The following MTHFS variants were observed in gnomAD, a reference collection of about 807,000 sequenced individuals.
MTHFS encodes 5-formyltetrahydrofolate cyclo-ligase.
In MTHFS, 7 loss-of-function variants were observed where a neutral mutation model predicts 12.7. The ratio of observed to expected loss-of-function variants is 0.55; its 90% confidence interval spans 0.31 to 1.03. The LOEUF is 1.03. Among genes scored for constraint, MTHFS ranks in the 50% least tolerant of loss-of-function variants. The pLI is 0.05. For synonymous variants in MTHFS, 100 were observed against 97.1 expected (o/e 1.03, Z -0.18); for missense variants, 252 against 258.1 (o/e 0.98, Z 0.16).
chr15:79,892,447 C>T (rs373233567), intron 1 of MTHFS, among the ~76,000 whole-genome samples: 2 of 152,188 alleles, frequency 1.3e-5, no homozygotes, highest in East Asian at 3.9e-4. Flanking sequence ...ATCAGAAGCT[C>T]CTGGAAAAAT....
intron 2 of MTHFS, among the ~76,000 whole-genome samples, chr15:79,868,088 G>A (rs987279309): frequency 1.3e-5 from 2 of 152,174 alleles, no homozygotes; most frequent in East Asian, 3.8e-4. Context: ...CACAGTGCTA[G>A]GAGACAGTAA....
chr15:79,850,127 A>C (rs2033688455), intron 2 of MTHFS, among the ~76,000 whole-genome samples: 1 of 152,274 alleles, frequency 6.6e-6, no homozygotes, highest in South Asian at 2.1e-4. Flanking sequence ...AGATAATGCA[A>C]CATATCTGTT....
In MTHFS at chr15:79,845,323, T is replaced by C; in HGVS notation, c.499A>G (p.Lys167Glu). Residue 167 changes from lysine (K) to glutamate (E), a missense_variant, in exon 3 of 3, where the codon AAG (lysine) becomes GAG (glutamate). By Grantham distance (56) the Lys-to-Glu change is moderately conservative. Transcript: ENST00000258874. The part of the protein sequence containing the change: ...LKRCLQHQEV[K>E]PYTLALAFKE... The stretch of plus-strand genomic sequence containing the variant: ...AAAGCCAACGCCAGGGTGTAGGGCT[T>C]CACTTCCTGATGCTGCAAACAGCGC... 1 of 1,614,150 alleles carries C rather than the reference T, an allele frequency of 6.2e-7. No individual in the cohort carries two copies. Among genetic ancestry groups the C allele is most frequent in the Non-Finnish European group, 8.5e-7 (1 of 1,180,028 alleles).
At chr15:79,854,881 G>GTA (rs1475869946) in intron 2 of MTHFS, among the ~76,000 whole-genome samples, 3 of 152,120 alleles carry the variant, frequency 2.0e-5, no homozygotes, top group Non-Finnish European at 4.4e-5. Context: ...AACTACAATT[G>GTA]TATATGAAAG....
intron 2 of MTHFS, among the ~76,000 whole-genome samples, chr15:79,888,596 T>C (rs888884934): frequency 6.6e-6 from 1 of 152,164 alleles, no homozygotes; most frequent in Admixed American, 6.6e-5. Context: ...TCAGTAAATA[T>C]TCAGTAGGTA....
At chr15:79,887,224 CAAAAG>C (rs1450056246) in intron 2 of MTHFS, among the ~76,000 whole-genome samples, 1 of 150,282 alleles carries the variant, frequency 6.7e-6, no homozygotes, top group Non-Finnish European at 1.5e-5. Flanking sequence ...AACTCTGTCT[CAAAAG>C]AAAAGAAAAA....
intron 2 of MTHFS, among the ~76,000 whole-genome samples, chr15:79,870,932 G>C (rs1005008018): frequency 6.6e-6 from 1 of 152,046 alleles, no homozygotes; most frequent in Non-Finnish European, 1.5e-5. Flanking sequence ...CACCTGAACT[G>C]AGGAGGTCGA....
chr15:79,865,490 T>C (rs2033993321), intron 2 of MTHFS, among the ~76,000 whole-genome samples: 1 of 152,196 alleles, frequency 6.6e-6, no homozygotes, highest in Non-Finnish European at 1.5e-5. Flanking sequence ...GAAACCAGTG[T>C]GGAACTGCAG....
chr15:79,897,234 C>CGGT (rs1469025403), upstream of MTHFS: 1 of 456,410 alleles, frequency 2.2e-6, no homozygotes, highest in Non-Finnish European at 3.8e-6. Flanking sequence ...GTTAGGGGAG[C>CGGT]GGTGGCGAGG....
chr15:79,877,571 C>T (rs2034221146), intron 2 of MTHFS: 1 of 151,940 alleles, frequency 6.6e-6, no homozygotes, highest in Admixed American at 6.6e-5. Context: ...CGTAGCAGTG[C>T]ACACCTGTAG....
intron 2 of MTHFS, among the ~76,000 whole-genome samples, chr15:79,864,313 G>A (rs1163593816): frequency 6.6e-6 from 1 of 152,036 alleles, no homozygotes; most frequent in South Asian, 2.1e-4. Flanking sequence ...GGGAGGCTGA[G>A]GTGGGCGAAA....
intron 1 of MTHFS, among the ~76,000 whole-genome samples, chr15:79,895,079 C>T (rs2034544645): frequency 6.6e-6 from 1 of 152,162 alleles, no homozygotes; most frequent in Non-Finnish European, 1.5e-5. Flanking sequence ...AATCGACCTA[C>T]AAGAGTGATA....
chr15:79,889,014 C>T, intron 2 of MTHFS, 79 bp downstream of exon 2: 1 of 1,545,426 alleles, frequency 6.5e-7, no homozygotes, highest in Non-Finnish European at 8.7e-7. Context: ...GCAACTCCCA[C>T]TGACCCACAC....
chr15:79,889,214 C>A lies in MTHFS; in HGVS notation c.258G>T (p.Gln86His), dbSNP rs764119158. ...TTCTCACCATATCCATGTGATTGCT[C>A]TGGAACCGGTACCGAGGGATGAAGC... ...KICFIPRYRF[Q>H]SNHMDMVRIE... The change falls in exon 2 of 3, where the codon CAG becomes CAT. Residue 86 changes from glutamine (Q) to histidine (H), a missense_variant. Coordinates refer to ENST00000258874, the MANE Select transcript of MTHFS (RefSeq NM_006441.4). The A allele has an allele frequency of 1.2e-6, 2 of 1,614,176 alleles. No homozygotes were observed. Among genetic ancestry groups the A allele is most frequent in the Non-Finnish European group, 1.7e-6 (2 of 1,180,024 alleles).
chr15:79,844,075 G>A lies in MTHFS; in HGVS notation c.*1135C>T, dbSNP rs1367151029. On this transcript the variant is annotated 3_prime_UTR_variant, in exon 3 of 3. Transcript: ENST00000258874. ...GAAGAGGCTAGAAAAAGTAGATGAG[G>A]AGACCTCTCTTAAGGGGCTTTGTAT... 6.6e-6 allele frequency: 1 copy of A among 152,250 alleles called. No individual in the cohort carries two copies. Among genetic ancestry groups the A allele is most frequent in the Non-Finnish European group, 1.5e-5 (1 of 68,076 alleles). The allele number at this position is 152,250 out of a possible 1,614,324, so 9.4% of individuals were successfully genotyped here. A position where few individuals can be genotyped will look rare whatever the true frequency, so the allele number is the denominator to read the frequency against.
intron 2 of MTHFS, among the ~76,000 whole-genome samples, chr15:79,887,922 C>G (rs1049453382): frequency 1.3e-5 from 2 of 152,046 alleles, no homozygotes; most frequent in South Asian, 2.1e-4. Context: ...TCTACTGTTA[C>G]GAGTCCTTGA....
intron 2 of MTHFS, among the ~76,000 whole-genome samples, chr15:79,865,772 T>G (rs1027032120): frequency 6.6e-6 from 1 of 152,182 alleles, no homozygotes; most frequent in Admixed American, 6.5e-5. Context: ...AAACCAACCA[T>G]GGAGAAAATA....
intron 2 of MTHFS, among the ~76,000 whole-genome samples, chr15:79,865,615 G>C (rs2033996029): frequency 6.6e-6 from 1 of 152,128 alleles, no homozygotes; most frequent in South Asian, 2.1e-4. Flanking sequence ...CTAGTGCAAA[G>C]CTGATTTAAC....
chr15:79,890,384 T>C (rs981524228), intron 1 of MTHFS, among the ~76,000 whole-genome samples: 6 of 151,872 alleles, frequency 4.0e-5, no homozygotes, highest in African/African-American at 1.5e-4. Flanking sequence ...CAAACCACCA[T>C]GTCCGGCTGA....
Sources: gnomAD v4.1 joint callset for allele counts (sites outside exome capture counted in the v4.1 genomes callset) on GRCh38, gnomAD v4.1.1 for gene constraint, MANE v1.5 for transcripts, NCBI Gene and HGNC (gene_info 2026-07-23, HGNC 2026-07-21) for gene names.